The following TRPM3 variants were observed in gnomAD, a reference collection of about 807,000 sequenced individuals.
TRPM3 encodes the protein transient receptor potential cation channel subfamily M member 3, also known as long transient receptor potential channel 3.
In TRPM3, 77 loss-of-function variants were observed where a neutral mutation model predicts 181.2. The observed-to-expected ratio is 0.42, with a 90% CI of 0.35 to 0.51. The LOEUF (loss-of-function observed/expected upper bound fraction) is 0.51, where lower values mean the gene tolerates loss of function less well. TRPM3 is among the 20% of genes least tolerant of loss of function. TRPM3 has a pLI of 0.01. For synonymous variants in TRPM3, 745 were observed against 796.4 expected (o/e 0.94, Z 1.09); for missense variants, 1,759 against 2,196.7 (o/e 0.80, Z 3.98).
At chr9:71,317,193 T>TA (rs1294634066) in intron 1 of TRPM3, among the ~76,000 whole-genome samples, 2 of 152,140 alleles carry the variant, frequency 1.3e-5, no homozygotes, top group East Asian at 3.8e-4. Flanking sequence ...ATGAACACCT[T>TA]AAAAAGAGAG....
intron 1 of TRPM3, among the ~76,000 whole-genome samples, chr9:71,282,701 G>C (rs1376864707): frequency 6.6e-6 from 1 of 152,150 alleles, no homozygotes; most frequent in Non-Finnish European, 1.5e-5. Flanking sequence ...CCATAGGAGA[G>C]ATGTTCTTAC....
chr9:71,258,103 A>G (rs959953486), intron 1 of TRPM3, among the ~76,000 whole-genome samples: 5 of 152,198 alleles, frequency 3.3e-5, no homozygotes, highest in Admixed American at 2.0e-4. Flanking sequence ...TGAAAATGAA[A>G]ATATTCAAAG....
At chr9:71,404,567 G>C (rs1280327609) in intron 1 of TRPM3, among the ~76,000 whole-genome samples, 1 of 151,980 alleles carries the variant, frequency 6.6e-6, no homozygotes, top group Admixed American at 6.6e-5. Flanking sequence ...CCATCTCTCG[G>C]CTGGACTAAT....
intron 1 of TRPM3, among the ~76,000 whole-genome samples, chr9:71,306,828 G>A (rs1175638500): frequency 6.6e-6 from 1 of 152,198 alleles, no homozygotes; most frequent in Non-Finnish European, 1.5e-5. Flanking sequence ...AGCCGAGATC[G>A]CGCCACTGCA....
chr9:70,605,466 C>T (rs2060885667), intron 19 of TRPM3, among the ~76,000 whole-genome samples: 1 of 148,942 alleles, frequency 6.7e-6, no homozygotes, highest in Non-Finnish European at 1.5e-5. Context: ...CCCCCAGGGG[C>T]CTATCATTTC....
intron 1 of TRPM3, among the ~76,000 whole-genome samples, chr9:70,885,599 C>A (rs1210619570): frequency 6.6e-6 from 1 of 152,180 alleles, no homozygotes; most frequent in African/African-American, 2.4e-5. Flanking sequence ...CTGGCATTCA[C>A]ACTTCTGCAC....
At chr9:71,235,945 T>G (rs2081328817) in intron 1 of TRPM3, among the ~76,000 whole-genome samples, 1 of 152,230 alleles carries the variant, frequency 6.6e-6, no homozygotes, top group African/African-American at 2.4e-5. Flanking sequence ...TACAAAATGC[T>G]TCATAACTTA....
intron 1 of TRPM3, among the ~76,000 whole-genome samples, chr9:71,155,093 T>C (rs192687404): frequency 2.0e-5 from 3 of 152,268 alleles, no homozygotes; most frequent in Admixed American, 2.0e-4. Context: ...ATAGTATTAA[T>C]TGTAAACTGA....
chr9:71,218,404 G>A (rs544512504), intron 1 of TRPM3, among the ~76,000 whole-genome samples: 2 of 152,246 alleles, frequency 1.3e-5, no homozygotes, highest in African/African-American at 4.8e-5. Flanking sequence ...ATTTTTAGAT[G>A]AGTAAATTAA....
At chr9:71,159,105 TAGAG>T (rs140356660) in intron 1 of TRPM3, among the ~76,000 whole-genome samples, 106 of 144,178 alleles carry the variant, frequency 7.4e-4, no homozygotes, top group Non-Finnish European at 8.6e-4. Flanking sequence ...TATATATATT[TAGAG>T]AGAGAGAGAG....
chr9:71,151,437 T>C (rs1340433834), intron 1 of TRPM3, among the ~76,000 whole-genome samples: 1 of 152,108 alleles, frequency 6.6e-6, no homozygotes, highest in Non-Finnish European at 1.5e-5. Flanking sequence ...CCATTGTTCA[T>C]CTATCAGATT....
intron 9 of TRPM3, among the ~76,000 whole-genome samples, chr9:70,663,953 A>G (rs1314036232): frequency 6.6e-6 from 1 of 152,200 alleles, no homozygotes; most frequent in African/African-American, 2.4e-5. Flanking sequence ...TCCAAGACTT[A>G]GTTTCTTCAT....
chr9:71,392,758 G>C, intron 1 of TRPM3, among the ~76,000 whole-genome samples: 1 of 152,000 alleles, frequency 6.6e-6, no homozygotes. Context: ...AGTTTCTTGG[G>C]AAGCTACATC....
Position 70,529,222 on chromosome 9 carries a change from G to T in TRPM3, c.*6731C>A, listed in dbSNP as rs962688719. 4 of 151,930 alleles carry T rather than the reference G, an allele frequency of 2.6e-5. No individual in the cohort carries two copies. The highest frequency in any genetic ancestry group is 9.7e-5 in the African/African-American group (4 of 41,346). 9.4% of individuals were successfully genotyped at this position (151,930 alleles called of 1,614,324 possible). A position where few individuals can be genotyped will look rare whatever the true frequency, so the allele number is the denominator to read the frequency against. ...AATCCAATAATAGACCTTTAAAAAA[G>T]AACAATTCTTCTAAGGATTTATATA... is the stretch of plus-strand genomic sequence containing the variant. On this transcript the variant is annotated 3_prime_UTR_variant, in exon 26 of 26. Coordinates refer to ENST00000677713, the MANE Select transcript of TRPM3 (RefSeq NM_001366145.2).
intron 1 of TRPM3, among the ~76,000 whole-genome samples, chr9:71,420,797 A>AAG (rs1267946876): frequency 2.8e-4 from 2 of 7,120 alleles, no homozygotes; most frequent in African/African-American, 5.9e-4. Context: ...AAGAGAGAGA[A>AAG]AGAAAGAGAG....
At chr9:71,221,904 A>C (rs2080265494) in intron 1 of TRPM3, among the ~76,000 whole-genome samples, 2 of 152,246 alleles carry the variant, frequency 1.3e-5, no homozygotes, top group Non-Finnish European at 2.9e-5. Context: ...CCAGAGCTGC[A>C]ATGAGTGAAT....
At chr9:71,261,961 C>A (rs564534737) in intron 1 of TRPM3, among the ~76,000 whole-genome samples, 121 of 152,276 alleles carry the variant, frequency 7.9e-4, no homozygotes, top group Admixed American at 2.0e-3. Flanking sequence ...GAGGCGTTTC[C>A]CTGTCAGGAG....
intron 17 of TRPM3, among the ~76,000 whole-genome samples, chr9:70,616,593 GT>G (rs2062818611): frequency 7.2e-6 from 1 of 139,398 alleles, no homozygotes; most frequent in Non-Finnish European, 1.5e-5. Flanking sequence ...AAAAAATGCT[GT>G]CCTAAGTTGA....
intron 1 of TRPM3, among the ~76,000 whole-genome samples, chr9:71,420,777 AAG>A (rs1342368407): frequency 3.5e-5 from 3 of 86,762 alleles, no homozygotes; most frequent in Admixed American, 1.1e-4. Flanking sequence ...AAGAGAGAGA[AAG>A]AGAGAGAAAG....
Sources: gnomAD v4.1 joint callset for allele counts (sites outside exome capture counted in the v4.1 genomes callset) on GRCh38, gnomAD v4.1.1 for gene constraint, MANE v1.5 for transcripts, NCBI Gene and HGNC (gene_info 2026-07-23, HGNC 2026-07-21) for gene names.